Variants in PRELID2 observed in about 807,000 individuals in gnomAD.
The protein encoded by PRELID2 is PRELI domain-containing protein 2.
In PRELID2, 25 loss-of-function variants were observed where a neutral mutation model predicts 28.4. That is an observed-to-expected ratio of 0.88 (90% CI 0.64 to 1.23). PRELID2 has a LOEUF of 1.23. PRELID2 is among the 50% of genes most tolerant of loss of function. The pLI, the probability that PRELID2 is intolerant of heterozygous loss-of-function variation, is 0.00. For synonymous variants in PRELID2, 76 were observed against 71.6 expected (o/e 1.06, Z -0.31); for missense variants, 201 against 214.4 (o/e 0.94, Z 0.39).
intron 1 of PRELID2, among the ~76,000 whole-genome samples, chr5:145,644,582 T>C (rs938822164): frequency 1.1e-4 from 17 of 152,182 alleles, no homozygotes; most frequent in Non-Finnish European, 2.2e-4. Context: ...TGCTCTTGCT[T>C]CTCTGGTTCT....
chr5:145,516,916 G>A (rs1752522205), intron 1 of PRELID2, among the ~76,000 whole-genome samples: 1 of 152,170 alleles, frequency 6.6e-6, no homozygotes, highest in South Asian at 2.1e-4. Flanking sequence ...AAATGGTGTT[G>A]GGAAAACTGG....
chr5:145,581,435 G>T (rs1753106657), intron 1 of PRELID2, among the ~76,000 whole-genome samples: 1 of 152,006 alleles, frequency 6.6e-6, no homozygotes, highest in African/African-American at 2.4e-5. Context: ...CTTCATTCTT[G>T]GGACAGTTGA....
intron 4 of PRELID2, 28 bp downstream of exon 4, chr5:145,817,864 AAC>A (rs1282648677): frequency 3.4e-6 from 5 of 1,476,726 alleles, no homozygotes; most frequent in Non-Finnish European, 3.6e-6. Context: ...CTGCAACCAA[AAC>A]ACACACACAT....
chr5:145,503,064 C>T (rs1752373638), intron 1 of PRELID2, among the ~76,000 whole-genome samples: 1 of 152,072 alleles, frequency 6.6e-6, no homozygotes, highest in Non-Finnish European at 1.5e-5. Context: ...GAGTGGATGG[C>T]TGGGAGAGTA....
the PRELID2 span, among the ~76,000 whole-genome samples, chr5:145,313,532 T>C: frequency 1.5e-5 from 2 of 133,344 alleles, no homozygotes; most frequent in Non-Finnish European, 3.2e-5. Flanking sequence ...TCTCCGACAA[T>C]AGCCTCTTTA....
At chr5:145,764,803 G>C (rs1477601284) in intron 6 of PRELID2, 128 bp downstream of exon 6, 2 of 668,662 alleles carry the variant, frequency 3.0e-6, no homozygotes, top group African/African-American at 1.8e-5. Context: ...CTGTGAAATA[G>C]TATTCTGTGC....
chr5:145,440,169 A>C, the PRELID2 span, among the ~76,000 whole-genome samples: 1 of 152,096 alleles, frequency 6.6e-6, no homozygotes, highest in Admixed American at 6.6e-5. Context: ...CCTGGAGAAA[A>C]GAACTCAAAT....
the PRELID2 span, among the ~76,000 whole-genome samples, chr5:145,412,071 C>T: frequency 6.6e-6 from 1 of 152,130 alleles, no homozygotes; most frequent in Non-Finnish European, 1.5e-5. Context: ...GCTAGGCTTC[C>T]AGGACTATGA....
the PRELID2 span, among the ~76,000 whole-genome samples, chr5:145,296,867 TTTTAATGATTGTCA>T: frequency 1.3e-5 from 2 of 152,330 alleles, no homozygotes; most frequent in African/African-American, 4.8e-5. Context: ...TTTCCTGACT[TTTTAATGATTGTCA>T]TTCTAACTGG....
intron 1 of PRELID2, among the ~76,000 whole-genome samples, chr5:145,737,608 T>A (rs1756533474): frequency 1.3e-5 from 2 of 152,068 alleles, no homozygotes; most frequent in African/African-American, 4.8e-5. Flanking sequence ...GATAATTTTT[T>A]AAAAAGGATG....
At chr5:145,378,137 G>T in the PRELID2 span, among the ~76,000 whole-genome samples, 2 of 152,108 alleles carry the variant, frequency 1.3e-5, no homozygotes, top group South Asian at 2.1e-4. Context: ...GTCTTCCAGG[G>T]TTTCAGCTGA....
At chr5:145,610,505 A>G (rs2149644530) in intron 1 of PRELID2, among the ~76,000 whole-genome samples, 1 of 152,330 alleles carries the variant, frequency 6.6e-6, no homozygotes, top group South Asian at 2.1e-4. Context: ...TGTAGAACAC[A>G]AGGACACAGG....
chr5:145,508,780 A>C (rs1752436778), intron 1 of PRELID2, among the ~76,000 whole-genome samples: 1 of 152,128 alleles, frequency 6.6e-6, no homozygotes, highest in Admixed American at 6.6e-5. Flanking sequence ...GGAGAAAACA[A>C]ACATGCAGGA....
chr5:145,474,333 T>A (rs1272566598), intron 1 of PRELID2, among the ~76,000 whole-genome samples: 1 of 152,224 alleles, frequency 6.6e-6, no homozygotes, highest in Admixed American at 6.5e-5. Flanking sequence ...CTTGCCATAA[T>A]CATTTTATAA....
intron 1 of PRELID2, among the ~76,000 whole-genome samples, chr5:145,681,752 C>T (rs1046731901): frequency 1.3e-5 from 2 of 152,188 alleles, no homozygotes; most frequent in African/African-American, 4.8e-5. Flanking sequence ...GTTTCAACCC[C>T]AGTGTGCCCC....
chr5:145,773,608 G>C (rs1758237107), intron 5 of PRELID2, among the ~76,000 whole-genome samples: 1 of 152,184 alleles, frequency 6.6e-6, no homozygotes, highest in African/African-American at 2.4e-5. Context: ...TTACGAGACA[G>C]TGCTTCCTCA....
intron 1 of PRELID2, among the ~76,000 whole-genome samples, chr5:145,691,607 ACT>A (rs1165681681): frequency 6.6e-6 from 1 of 152,022 alleles, no homozygotes; most frequent in East Asian, 1.9e-4. Context: ...AGTCCCAGCT[ACT>A]CGGGAGGCTG....
At chr5:145,406,105 AC>A in the PRELID2 span, among the ~76,000 whole-genome samples, 1 of 151,904 alleles carries the variant, frequency 6.6e-6, no homozygotes, top group Non-Finnish European at 1.5e-5. Flanking sequence ...GAGCAATCTA[AC>A]CCTATGATCT....
the PRELID2 span, among the ~76,000 whole-genome samples, chr5:145,235,537 G>T: frequency 0.24 from 36,402 of 152,026 alleles, 5,377 homozygotes; most frequent in Non-Finnish European, 0.31. Context: ...GTCCCTGGTG[G>T]GGATGGCAAA....
Sources: gnomAD v4.1 joint callset for allele counts (sites outside exome capture counted in the v4.1 genomes callset) on GRCh38, gnomAD v4.1.1 for gene constraint, MANE v1.5 for transcripts, NCBI Gene and HGNC (gene_info 2026-07-23, HGNC 2026-07-21) for gene names.